Variants in CHGA observed in about 807,000 individuals in gnomAD.
The protein encoded by CHGA is chromogranin A.
Under a neutral mutation model 54.4 loss-of-function variants are expected in CHGA, and 41 were observed. The ratio of observed to expected loss-of-function variants is 0.75; its 90% CI spans 0.59 to 0.98. The LOEUF is 0.98. CHGA is among the 50% of genes least tolerant of loss of function. The pLI is 0.00. For synonymous variants in CHGA, 249 were observed against 232.8 expected, an observed-to-expected ratio of 1.07 and a Z score of -0.63; for missense variants, 576 against 582.3, an observed-to-expected ratio of 0.99 and a Z score of 0.11.
chr14:92,928,512 C>T (rs1303006646), intron 4 of CHGA, among the ~76,000 whole-genome samples: 1 of 152,222 alleles, frequency 6.6e-6, no homozygotes, highest in Admixed American at 6.5e-5. Flanking sequence ...CTGGGCACAG[C>T]TGGGACTATT....
chr14:92,932,102 G>T lies in CHGA; in HGVS notation c.809-268G>T. On this transcript the variant is annotated intron_variant, in intron 6 of 7. Transcript: ENST00000216492. The surrounding 1 kb of genome is among the most constrained non-coding windows in gnomAD (Gnocchi z 5.3). ...CGGTTTAGGAGAGGCCCTGGCTCCCGCTGCGGGCCTGTCAGGGTCTTTCCT... is the reference window on the plus strand; with the variant it reads ...CGGTTTAGGAGAGGCCCTGGCTCCCTCTGCGGGCCTGTCAGGGTCTTTCCT... 1 of 459,496 alleles carries T rather than the reference G, an allele frequency of 2.2e-6. No homozygotes were observed. Among genetic ancestry groups the T allele is most frequent in the South Asian group, 3.1e-5 (1 of 31,916 alleles). 28.5% of individuals were successfully genotyped at this position (459,496 alleles called of 1,614,324 possible).
At chr14:92,924,176 C>T (rs557946319) in intron 1 of CHGA, 23 bp from the exon 2 acceptor site, 3 of 1,608,888 alleles carry the variant, frequency 1.9e-6, no homozygotes, top group Admixed American at 1.7e-5. Flanking sequence ...GGAGTGACCC[C>T]AGCACTCTCT....
chr14:92,925,973 G>A (rs1406619342), intron 2 of CHGA: 1 of 152,336 alleles, frequency 6.6e-6, no homozygotes, highest in East Asian at 1.9e-4. Flanking sequence ...GCGTGGCTGT[G>A]GTTGACCTGG....
rs368123994 is a variant in CHGA at position 92,932,106 on chromosome 14, C to T, written c.809-264C>T. The T allele has an allele frequency of 2.4e-5, 11 of 466,094 alleles. No homozygotes were observed. The highest frequency in any genetic ancestry group is 3.4e-5 in the Non-Finnish European group (9 of 262,378). 28.9% of individuals were successfully genotyped at this position (466,094 alleles called of 1,614,324 possible). On this transcript the variant is annotated intron_variant, in intron 6 of 7. Coordinates refer to ENST00000216492, the MANE Select transcript of CHGA (RefSeq NM_001275.4). This position sits in a 1 kb window ranked among gnomAD's most constrained non-coding sequence, Gnocchi z 5.3. ...TTAGGAGAGGCCCTGGCTCCCGCTGCGGGCCTGTCAGGGTCTTTCCTCACT... is the reference window on the plus strand; with the variant it reads ...TTAGGAGAGGCCCTGGCTCCCGCTGTGGGCCTGTCAGGGTCTTTCCTCACT...
In CHGA at chr14:92,927,670, T is replaced by C. The variant is rs149370188; in HGVS notation, c.256+52T>C. On this transcript the variant is annotated intron_variant, in intron 4 of 7. Coordinates refer to ENST00000216492, the MANE Select transcript of CHGA (RefSeq NM_001275.4). ...CTGGGTAAATTCCAGTAACTGAGAG[T>C]CAGAAAATCTGGTGGAAGATTCAGC... 2.5e-3 allele frequency: 3,562 copies of C among 1,400,690 alleles called. 13 individuals carry two copies. The highest frequency in any genetic ancestry group is 3.0e-3 in the Middle Eastern group (17 of 5,638). 86.8% of individuals were successfully genotyped at this position (1,400,690 alleles called of 1,614,324 possible).
intron 5 of CHGA, 88 bp downstream of exon 5, chr14:92,929,903 C>T (rs566807854): frequency 1.2e-5 from 12 of 996,048 alleles, no homozygotes; most frequent in East Asian, 5.0e-5. Flanking sequence ...TCCAGTGAGT[C>T]GGGAGCCCCA....
intron 1 of CHGA, among the ~76,000 whole-genome samples, 158 bp from the exon 2 acceptor site, chr14:92,924,041 C>T (rs947975043): frequency 4.6e-5 from 7 of 152,186 alleles, no homozygotes; most frequent in Non-Finnish European, 7.3e-5. Context: ...TGGGCAGCAA[C>T]CAGGGAAGGG....
At position 92,923,358 on chromosome 14, in the gene CHGA, C is replaced by T; in HGVS notation, c.-2C>T. 1.5e-6 allele frequency: 2 copies of T among 1,317,168 alleles called. No individual in the cohort carries two copies. The highest frequency in any genetic ancestry group is 1.9e-6 in the Non-Finnish European group (2 of 1,037,030). 81.6% of individuals were successfully genotyped at this position (1,317,168 alleles called of 1,614,324 possible). Reference sequence around the variant, plus strand: ...GCCAGCTGCTCGGCGCCCGGGTCCGCCATGCGCTCCGCCGCTGTCCTGGCT... The same window carrying T: ...GCCAGCTGCTCGGCGCCCGGGTCCGTCATGCGCTCCGCCGCTGTCCTGGCT... On this transcript the variant is annotated 5_prime_UTR_variant, in exon 1 of 8. Transcript: ENST00000216492.
chr14:92,922,743 C>G (rs966325952), upstream of CHGA, among the ~76,000 whole-genome samples: 1 of 152,160 alleles, frequency 6.6e-6, no homozygotes, highest in African/African-American at 2.4e-5. Flanking sequence ...GGGCATGCCT[C>G]CAGCCTGTGA....
At chr14:92,929,946 T>C in intron 5 of CHGA, 131 bp downstream of exon 5, 1 of 701,426 alleles carries the variant, frequency 1.4e-6, no homozygotes, top group Non-Finnish European at 2.4e-6. Flanking sequence ...TCTCTACAAA[T>C]GGGGAAACTG....
chr14:92,928,390 G>T (rs950079054), intron 4 of CHGA, among the ~76,000 whole-genome samples: 1 of 152,152 alleles, frequency 6.6e-6, no homozygotes, highest in Non-Finnish European at 1.5e-5. Flanking sequence ...AGCCACGTCA[G>T]TAGGATTCCT....
chr14:92,931,798 A>T (rs1454402971), intron 6 of CHGA, 96 bp downstream of exon 6: 2 of 1,268,956 alleles, frequency 1.6e-6, no homozygotes, highest in Non-Finnish European at 1.1e-6. Context: ...CCTTCATAAC[A>T]ACCCTGAAAG....
Position 92,930,579 on chromosome 14 carries a change from T to A in CHGA, c.356-671T>A, listed in dbSNP as rs140371283. The stretch of plus-strand genomic sequence containing the variant: ...TCATTTGGAGGCTTGGGTTCCAGGC[T>A]CAGCTCTGCTGCCCGCAAACTGTGA... On this transcript the variant is annotated intron_variant, in intron 5 of 7. Transcript: ENST00000216492. Among the ~76,000 whole-genome samples the A allele has an allele frequency of 9.5e-3, 1,451 of 152,314 alleles. 21 individuals are homozygous for A. Among genetic ancestry groups the A allele is most frequent in the African/African-American group, 0.034 (1,393 of 41,564 alleles).
intron 1 of CHGA, 86 bp from the exon 2 acceptor site, chr14:92,924,113 G>T: frequency 6.8e-7 from 1 of 1,474,840 alleles, no homozygotes; most frequent in South Asian, 1.2e-5. Flanking sequence ...GGCATTGGGT[G>T]AACGGGCCCC....
intron 4 of CHGA, 131 bp from the exon 5 acceptor site, chr14:92,929,586 A>G (rs368334854): frequency 2.6e-6 from 2 of 762,992 alleles, no homozygotes; most frequent in Non-Finnish European, 2.2e-6. Context: ...ACGCCCCATC[A>G]GTGTCTCATT....
rs1474516111 is a variant in CHGA at position 92,935,197 on chromosome 14, G to C, written c.*313G>C. 2.7e-6 allele frequency: 1 copy of C among 368,418 alleles called. No individual in the cohort carries two copies. The highest frequency in any genetic ancestry group is 4.8e-6 in the Non-Finnish European group (1 of 208,188). The allele number at this position is 368,418 out of a possible 1,614,324, so 22.8% of individuals were successfully genotyped here. On this transcript the variant is annotated 3_prime_UTR_variant, in exon 8 of 8. Coordinates refer to ENST00000216492, the MANE Select transcript of CHGA (RefSeq NM_001275.4). The stretch of plus-strand genomic sequence containing the variant: ...ACTGGGCACAACTGCAATAACTTCT[G>C]ACCTTTTGGTGAAAGCTGAGAACTC...
chr14:92,931,988 A>AGTTGGGT (rs1690695270), intron 6 of CHGA: 2 of 466,994 alleles, frequency 4.3e-6, no homozygotes, highest in African/African-American at 3.9e-5. Flanking sequence ...CCCAGAAGCT[A>AGTTGGGT]GGGGTGGGTG....
Position 92,932,818 on chromosome 14 carries a change from AGAG to A in CHGA, c.1265_1267del (p.Glu422del), listed in dbSNP as rs778512141. ...TCCGAGGCTACCCCGAGGAGAAGAA[AGAG>A]GAGGAGGGCAGCGCAAACCGCAGAC... On this transcript the variant is annotated inframe_deletion, in exon 7 of 8. Transcript: ENST00000216492. This position sits in a 1 kb window ranked among gnomAD's most constrained non-coding sequence, Gnocchi z 5.3. The A allele has an allele frequency of 2.6e-6, 4 of 1,537,286 alleles. No individual in the cohort carries two copies. The highest frequency in any genetic ancestry group is 1.4e-5 in the African/African-American group (1 of 73,274).
chr14:92,929,679 G>A, intron 4 of CHGA, 38 bp from the exon 5 acceptor site: 1 of 1,574,074 alleles, frequency 6.4e-7, no homozygotes. Context: ...TGCCACAGCT[G>A]CACCCAATGG....
Sources: gnomAD v4.1 joint callset for allele counts (sites outside exome capture counted in the v4.1 genomes callset) on GRCh38, gnomAD v4.1.1 for gene constraint, Gnocchi (gnomAD v3.1) non-coding constraint, MANE v1.5 for transcripts, NCBI Gene and HGNC (gene_info 2026-07-23, HGNC 2026-07-21) for gene names.